The following SUZ12 variants were observed in gnomAD, a reference collection of about 807,000 sequenced individuals.
SUZ12 encodes polycomb protein SUZ12.
In SUZ12, 17 loss-of-function variants were observed where a neutral mutation model predicts 87.3. The observed-to-expected ratio is 0.19, with a 90% CI of 0.13 to 0.29. SUZ12 has a LOEUF of 0.29. Among genes scored for constraint, SUZ12 ranks in the 10% least tolerant of loss-of-function variants. The pLI is 1.00. For synonymous variants in SUZ12, 253 were observed against 312.4 expected (o/e 0.81, Z 2.01); for missense variants, 526 against 912.2 (o/e 0.58, Z 5.45).
At chr17:31,947,771 G>C (rs910709686) in intron 4 of SUZ12, 86 bp downstream of exon 4, 3 of 1,354,668 alleles carry the variant, frequency 2.2e-6, no homozygotes, top group African/African-American at 1.5e-5. Flanking sequence ...TGATCACCTT[G>C]ATATAAGGAG....
At chr17:31,948,227 A>T (rs977523012) in intron 4 of SUZ12, among the ~76,000 whole-genome samples, 4 of 152,204 alleles carry the variant, frequency 2.6e-5, no homozygotes, top group African/African-American at 9.7e-5. Flanking sequence ...TACTTGTTGT[A>T]CATTATCAAA....
intron 8 of SUZ12, among the ~76,000 whole-genome samples, chr17:31,977,838 G>A (rs1332346040): frequency 2.0e-5 from 3 of 151,674 alleles, no homozygotes; most frequent in Non-Finnish European, 2.9e-5. Context: ...GCAGTGAGCC[G>A]AGATCACACC....
At chr17:31,970,820 G>GA (rs1908383818) in intron 5 of SUZ12, among the ~76,000 whole-genome samples, 1 of 151,500 alleles carries the variant, frequency 6.6e-6, no homozygotes, top group African/African-American at 2.4e-5. Context: ...AAAAAATAAA[G>GA]AAAAAATGTG....
At chr17:31,980,202 AAAG>A (rs1173824345) in intron 8 of SUZ12, among the ~76,000 whole-genome samples, 1 of 151,998 alleles carries the variant, frequency 6.6e-6, no homozygotes, top group Non-Finnish European at 1.5e-5. Flanking sequence ...GTAAATTTAA[AAAG>A]AAGAGCATTC....
At position 31,937,189 on chromosome 17, in the gene SUZ12, G is replaced by A. The variant is rs1425789811; in HGVS notation, c.-58G>A. ...GGGGCGAGCGGTTGGTATTGCAGGC[G>A]CTTGCTCTCCGGGGCCGCCCGGCGG... On this transcript the variant is annotated 5_prime_UTR_variant, in exon 1 of 16. Coordinates refer to ENST00000322652, the MANE Select transcript of SUZ12 (RefSeq NM_015355.4). 7.3e-7 allele frequency: 1 copy of A among 1,374,694 alleles called. No homozygotes were observed. The highest frequency in any genetic ancestry group is 9.3e-7 in the Non-Finnish European group (1 of 1,070,782). The allele number at this position is 1,374,694 out of a possible 1,614,324, so 85.2% of individuals were successfully genotyped here.
chr17:31,975,845 C>G, intron 7 of SUZ12, 132 bp downstream of exon 7: 7 of 697,620 alleles, frequency 1.0e-5, no homozygotes. Flanking sequence ...TCCACCTCAA[C>G]ATTTTGTTGT....
At chr17:31,997,435 G>C (rs1910032128) in intron 15 of SUZ12, among the ~76,000 whole-genome samples, 1 of 152,090 alleles carries the variant, frequency 6.6e-6, no homozygotes, top group African/African-American at 2.4e-5. Flanking sequence ...GGCCAAGGTG[G>C]GTGGATCACT....
At chr17:31,940,202 A>G (rs1906190231) in intron 1 of SUZ12, 84 bp from the exon 2 acceptor site, 2 of 1,548,078 alleles carry the variant, frequency 1.3e-6, no homozygotes, top group African/African-American at 2.8e-5. Flanking sequence ...TGATAAGTTT[A>G]TATTGATTAT....
intron 8 of SUZ12, among the ~76,000 whole-genome samples, chr17:31,981,025 C>CAA (rs1036267583): frequency 1.5e-5 from 2 of 135,082 alleles, no homozygotes; most frequent in Admixed American, 1.5e-4. Context: ...CAGCGACTGT[C>CAA]AAAAAAAAAA....
intron 8 of SUZ12, among the ~76,000 whole-genome samples, chr17:31,980,346 A>G (rs1445636487): frequency 2.7e-5 from 4 of 149,920 alleles, no homozygotes; most frequent in South Asian, 2.1e-4. Flanking sequence ...GAGCCCTTCT[A>G]AGTAGGCTTC....
chr17:31,972,349 A>G (rs1468384756), intron 5 of SUZ12, among the ~76,000 whole-genome samples: 1 of 148,412 alleles, frequency 6.7e-6, no homozygotes, highest in East Asian at 2.0e-4. Context: ...ATATGTGTAT[A>G]TATATATATG....
At chr17:31,945,280 A>G (rs1038204828) in intron 3 of SUZ12, among the ~76,000 whole-genome samples, 2 of 152,170 alleles carry the variant, frequency 1.3e-5, no homozygotes, top group African/African-American at 4.8e-5. Flanking sequence ...TTACAACAAC[A>G]TAATATCCAT....
At chr17:31,942,635 C>G (rs1906374238) in intron 3 of SUZ12, among the ~76,000 whole-genome samples, 1 of 152,112 alleles carries the variant, frequency 6.6e-6, no homozygotes, top group Admixed American at 6.6e-5. Context: ...CAGCGCCCGG[C>G]CTTGGTGGTG....
Position 31,999,966 on chromosome 17 carries a change from A to G in SUZ12, c.*963A>G. 1 of 232,770 alleles carries G rather than the reference A, an allele frequency of 4.3e-6. No individual in the cohort carries two copies. The highest frequency in any genetic ancestry group is 8.5e-6 in the Non-Finnish European group (1 of 117,802). The allele number at this position is 232,770 out of a possible 1,614,324, so 14.4% of individuals were successfully genotyped here. A position where few individuals can be genotyped will look rare whatever the true frequency, so the allele number is the denominator to read the frequency against. On this transcript the variant is annotated 3_prime_UTR_variant, in exon 16 of 16. Transcript: ENST00000322652. ...ATTTGTTTGCAAGGATGTCTTTGTAATGTGTTTCATGAATAGAATATCCAA... is the reference window on the plus strand; with the variant it reads ...ATTTGTTTGCAAGGATGTCTTTGTAGTGTGTTTCATGAATAGAATATCCAA...
chr17:31,945,061 CAAAAAA>C (rs34314619), intron 3 of SUZ12, among the ~76,000 whole-genome samples: 3 of 79,274 alleles, frequency 3.8e-5, no homozygotes, highest in African/African-American at 9.3e-5. Flanking sequence ...GATGGTGTCT[CAAAAAA>C]AAAAAAAAAA....
In SUZ12 at chr17:31,979,283, A is replaced by G. The variant is rs1031341846; in HGVS notation, c.917+2669A>G. Among the ~76,000 whole-genome samples the G allele has an allele frequency of 2.6e-5, 4 of 152,114 alleles. No homozygotes were observed. The East Asian group carries it at 7.7e-4, about 29-fold the overall frequency. On this transcript the variant is annotated intron_variant, in intron 8 of 15. Transcript: ENST00000322652. ...GCTGAATAATTTGAAAGTTTGCTTT[A>G]TTCCTCATTTATAAACTCTCTTGCA...
Position 31,969,201 on chromosome 17 carries a change from A to G in SUZ12, c.505+3005A>G, listed in dbSNP as rs142994863. ...CTCTGGTTGCCCAGGCTGGAGTGCA[A>G]TGGCGCAATCTCGGCTCACCACAAC... On this transcript the variant is annotated intron_variant, in intron 5 of 15. Transcript: ENST00000322652. 3.1e-3 allele frequency among the ~76,000 whole-genome samples: 464 copies of G among 151,970 alleles called. 3 individuals are homozygous for G. The highest frequency in any genetic ancestry group is 9.9e-3 in the African/African-American group (411 of 41,470).
At chr17:31,959,348 CTTTG>C (rs1907561208) in intron 4 of SUZ12, among the ~76,000 whole-genome samples, 1 of 152,038 alleles carries the variant, frequency 6.6e-6, no homozygotes, top group Admixed American at 6.6e-5. Flanking sequence ...GTAGTAATTC[CTTTG>C]TTTGCTTCAC....
intron 4 of SUZ12, among the ~76,000 whole-genome samples, chr17:31,949,676 C>CTTTTTTTTTTTTTTTTTTTTT (rs71360790): frequency 1.6e-4 from 2 of 12,374 alleles, no homozygotes; most frequent in African/African-American, 7.0e-4. Context: ...CCCCCCCCCC[C>CTTTTTTTTTTTTTTTTTTTTT]TTTTTTTTTT....
Sources: gnomAD v4.1 joint callset for allele counts (sites outside exome capture counted in the v4.1 genomes callset) on GRCh38, gnomAD v4.1.1 for gene constraint, MANE v1.5 for transcripts, NCBI Gene and HGNC (gene_info 2026-07-23, HGNC 2026-07-21) for gene names.